Variants in UGT2A3 observed in about 807,000 individuals in gnomAD.
UGT2A3 encodes the protein UDP glucuronosyltransferase family 2 member A3, also known as UDP-glucuronosyltransferase 2A3.
UGT2A3 carries 55 observed loss-of-function variants against 44.1 expected under a neutral mutation model. The ratio of observed to expected loss-of-function variants is 1.25; its 90% CI spans 1.00 to 1.56. The LOEUF (loss-of-function observed/expected upper bound fraction) is 1.56, where lower values mean the gene tolerates loss of function less well. UGT2A3 is among the 40% of genes most tolerant of loss of function. The probability of loss-of-function intolerance (pLI) is 0.00; values close to 1 mark genes in which losing one functional copy is unlikely to be tolerated. For missense variants in UGT2A3, 733 were observed against 621.6 expected (o/e 1.18, Z -1.91); for synonymous variants, 243 against 215.1 (o/e 1.13, Z -1.13).
At chr4:68,931,921 A>T (rs1422030261) in intron 3 of UGT2A3, among the ~76,000 whole-genome samples, 3 of 151,972 alleles carry the variant, frequency 2.0e-5, no homozygotes, top group African/African-American at 7.2e-5. Flanking sequence ...TAATTTCATA[A>T]TTAAAATTAC....
intron 1 of UGT2A3, among the ~76,000 whole-genome samples, chr4:68,948,236 T>G (rs1410145719): frequency 6.6e-6 from 1 of 151,794 alleles, no homozygotes; most frequent in Non-Finnish European, 1.5e-5. Flanking sequence ...ACATTGAACT[T>G]TTGCATCATG....
At chr4:68,949,803 A>T (rs1181914164) in intron 1 of UGT2A3, among the ~76,000 whole-genome samples, 1 of 151,874 alleles carries the variant, frequency 6.6e-6, no homozygotes, top group African/African-American at 2.4e-5. Context: ...CTCACAATAG[A>T]TAATTCTATA....
Position 68,929,482 on chromosome 4 carries a change from C to T in UGT2A3, c.*331G>A, listed in dbSNP as rs935425364. 4 of 185,366 alleles carry T rather than the reference C, an allele frequency of 2.2e-5. No individual in the cohort carries two copies. Among genetic ancestry groups the T allele is most frequent in the African/African-American group, 2.3e-5 (1 of 42,760 alleles). 11.5% of individuals were successfully genotyped at this position (185,366 alleles called of 1,614,324 possible). ...ACCTCTTTATATCCATGTGTTTGGG[C>T]GCACACCAGGAATAATCATATTGCA... On this transcript the variant is annotated 3_prime_UTR_variant, in exon 6 of 6. Transcript: ENST00000251566.
intron 1 of UGT2A3, among the ~76,000 whole-genome samples, chr4:68,947,514 A>T (rs1202511464): frequency 6.6e-6 from 1 of 151,782 alleles, no homozygotes; most frequent in East Asian, 1.9e-4. Flanking sequence ...GAGAGTTAGA[A>T]TCAAATTTTT....
chr4:68,942,518 T>TACATAC (rs1446842150), intron 2 of UGT2A3, among the ~76,000 whole-genome samples: 3 of 21,400 alleles, frequency 1.4e-4, no homozygotes, highest in African/African-American at 1.9e-4. Flanking sequence ...TATATATATA[T>TACATAC]ATATATATAT....
Position 68,930,647 on chromosome 4 carries a change from T to A in UGT2A3, c.1203A>T (p.Ile401=). ...CTGCTCCTTTGGCCTTCATGTGAGCTATGTTATCAAGCTGATCACCAAATA... is the reference window on the plus strand; with the variant it reads ...CTGCTCCTTTGGCCTTCATGTGAGCAATGTTATCAAGCTGATCACCAAATA... The part of the protein sequence containing the change: ...VPIFGDQLDN[I]AHMKAKGAAV... The change falls in exon 5 of 6, where the codon ATA becomes ATT. Residue 401 remains isoleucine (I), a synonymous_variant. Coordinates refer to ENST00000251566, the MANE Select transcript of UGT2A3 (RefSeq NM_024743.4). 6.2e-7 allele frequency: 1 copy of A among 1,613,624 alleles called. No homozygotes were observed. Among genetic ancestry groups the A allele is most frequent in the East Asian group, 2.2e-5 (1 of 44,824 alleles).
intron 2 of UGT2A3, among the ~76,000 whole-genome samples, chr4:68,942,691 G>C (rs1220293830): frequency 4.0e-5 from 6 of 151,196 alleles, no homozygotes; most frequent in African/African-American, 1.5e-4. Flanking sequence ...TCCCTTATAC[G>C]TGGAATCAAA....
intron 2 of UGT2A3, among the ~76,000 whole-genome samples, chr4:68,940,697 T>C (rs964334980): frequency 6.7e-6 from 1 of 148,330 alleles, no homozygotes; most frequent in African/African-American, 2.5e-5. Context: ...AAGTATTTTA[T>C]ATATATATAA....
chr4:68,943,662 A>G (rs1718276566), intron 2 of UGT2A3, among the ~76,000 whole-genome samples: 1 of 151,762 alleles, frequency 6.6e-6, no homozygotes, highest in Admixed American at 6.6e-5. Context: ...TACCAGAAGC[A>G]GGTCTTAGTC....
chr4:68,940,808 A>G (rs529176311), intron 2 of UGT2A3, among the ~76,000 whole-genome samples: 1 of 68,584 alleles, frequency 1.5e-5, no homozygotes, highest in East Asian at 3.6e-4. Context: ...ACACATATAT[A>G]GCATAGATAT....
At chr4:68,950,121 C>T (rs2109798716) in intron 1 of UGT2A3, among the ~76,000 whole-genome samples, 1 of 151,916 alleles carries the variant, frequency 6.6e-6, no homozygotes, top group South Asian at 2.1e-4. Flanking sequence ...AGACTTGAGG[C>T]CAAGAGATTT....
At chr4:68,935,272 G>GTGTATA (rs1388458483) in intron 2 of UGT2A3, among the ~76,000 whole-genome samples, 6 of 89,210 alleles carry the variant, frequency 6.7e-5, no homozygotes, top group African/African-American at 1.1e-4. Context: ...ATGTATGTAT[G>GTGTATA]TATGTATATA....
At chr4:68,950,650 C>T (rs1718549468) in intron 1 of UGT2A3, among the ~76,000 whole-genome samples, 1 of 151,662 alleles carries the variant, frequency 6.6e-6, no homozygotes, top group Non-Finnish European at 1.5e-5. Context: ...TTTAATGACT[C>T]TTGAAAAATT....
At chr4:68,945,716 G>T (rs947665686) in intron 1 of UGT2A3, among the ~76,000 whole-genome samples, 1 of 79,514 alleles carries the variant, frequency 1.3e-5, no homozygotes, top group Non-Finnish European at 3.8e-5. Flanking sequence ...AGGATGGAAA[G>T]AAGGAAGGAA....
Position 68,951,412 on chromosome 4 carries a change from T to C in UGT2A3, c.349A>G (p.Ile117Val). 1 of 1,611,798 alleles carries C rather than the reference T, an allele frequency of 6.2e-7. No homozygotes were observed. Among genetic ancestry groups the C allele is most frequent in the Non-Finnish European group, 8.5e-7 (1 of 1,179,080 alleles). ...CACATCATTTTTAAAGTTCCTCTTATTTCAACAAAAAAATCATTTAATTTT... is the reference window on the plus strand; with the variant it reads ...CACATCATTTTTAAAGTTCCTCTTACTTCAACAAAAAAATCATTTAATTTT... The part of the protein sequence containing the change: ...VIKLNDFFVE[I>V]RGTLKMMCES... Residue 117 changes from isoleucine to valine, a missense_variant, in exon 1 of 6, where the codon ATA becomes GTA. By Grantham distance (29) the Ile-to-Val change is conservative. Coordinates refer to ENST00000251566, the MANE Select transcript of UGT2A3 (RefSeq NM_024743.4).
intron 2 of UGT2A3, among the ~76,000 whole-genome samples, chr4:68,944,719 C>G (rs766554528): frequency 2.6e-5 from 4 of 151,700 alleles, no homozygotes; most frequent in African/African-American, 9.7e-5. Context: ...AACATTCTCA[C>G]GAGCTCAAAG....
chr4:68,934,195 A>G (rs1239641351), intron 2 of UGT2A3, among the ~76,000 whole-genome samples: 1 of 151,686 alleles, frequency 6.6e-6, no homozygotes, highest in Non-Finnish European at 1.5e-5. Flanking sequence ...AACTATAAAT[A>G]AAAAAACAAA....
chr4:68,942,536 T>TATATAC (rs1471973690), intron 2 of UGT2A3, among the ~76,000 whole-genome samples: 1 of 145,742 alleles, frequency 6.9e-6, no homozygotes, highest in Non-Finnish European at 1.5e-5. Flanking sequence ...TATATATATA[T>TATATAC]ATACATTTTC....
At chr4:68,939,743 C>A (rs1039294019) in intron 2 of UGT2A3, among the ~76,000 whole-genome samples, 2 of 152,058 alleles carry the variant, frequency 1.3e-5, no homozygotes, top group African/African-American at 4.8e-5. Flanking sequence ...AAGAAACTAC[C>A]ATCAGGGTGA....
Sources: allele counts gnomAD v4.1 joint callset (sites outside exome capture counted in the v4.1 genomes callset), GRCh38; gene constraint gnomAD v4.1.1; transcripts MANE v1.5; gene names NCBI Gene and HGNC (gene_info 2026-07-23, HGNC 2026-07-21).